TMTC2: variants seen among roughly 807,000 people sequenced by gnomAD.
The protein encoded by TMTC2 is transmembrane O-mannosyltransferase targeting cadherins 2.
Under a neutral mutation model 82.4 loss-of-function variants are expected in TMTC2, and 43 were observed. The ratio of observed to expected loss-of-function variants is 0.52; its 90% CI spans 0.41 to 0.67. The LOEUF is 0.67. Among genes scored for constraint, TMTC2 ranks in the 30% least tolerant of loss-of-function variants. The pLI is 0.00. For missense variants in TMTC2, 919 were observed against 1,012.4 expected, an observed-to-expected ratio of 0.91 and a Z score of 1.25; for synonymous variants, 408 against 381.9, an observed-to-expected ratio of 1.07 and a Z score of -0.80.
chr12:82,826,483 T>A (rs1869428739), intron 1 of TMTC2, among the ~76,000 whole-genome samples: 1 of 152,240 alleles, frequency 6.6e-6, no homozygotes, highest in African/African-American at 2.4e-5. Context: ...GAGTCCAAAG[T>A]ATAATTTTAA....
At chr12:82,781,457 A>G (rs1034134858) in intron 1 of TMTC2, among the ~76,000 whole-genome samples, 5 of 134,010 alleles carry the variant, frequency 3.7e-5, no homozygotes, top group African/African-American at 1.5e-4. Context: ...AGTTGGTTGT[A>G]CAGATTTCCT....
At chr12:83,077,537 T>G (rs570820470) in intron 11 of TMTC2, among the ~76,000 whole-genome samples, 1 of 152,154 alleles carries the variant, frequency 6.6e-6, no homozygotes, top group East Asian at 1.9e-4. Context: ...TGTTATGAAT[T>G]ATTACCTAAT....
At chr12:83,026,149 A>G (rs1465663832) in intron 8 of TMTC2, among the ~76,000 whole-genome samples, 2 of 152,134 alleles carry the variant, frequency 1.3e-5, no homozygotes, top group African/African-American at 2.4e-5. Context: ...ACCAGCCCCC[A>G]TCCAGGAGCC....
intron 1 of TMTC2, among the ~76,000 whole-genome samples, chr12:82,725,149 CA>C (rs1175282808): frequency 1.3e-5 from 2 of 150,860 alleles, no homozygotes; most frequent in East Asian, 2.0e-4. Context: ...AAAAAAAAAA[CA>C]AAAAAACTAT....
At chr12:82,973,115 C>T (rs1878518980) in intron 7 of TMTC2, among the ~76,000 whole-genome samples, 1 of 152,140 alleles carries the variant, frequency 6.6e-6, no homozygotes, top group Non-Finnish European at 1.5e-5. Flanking sequence ...GAAGCATTAA[C>T]ACTCCAGTAG....
intron 1 of TMTC2, among the ~76,000 whole-genome samples, chr12:82,848,304 T>G (rs1340871731): frequency 6.6e-6 from 1 of 152,182 alleles, no homozygotes; most frequent in Admixed American, 6.5e-5. Context: ...GGCCTGGAAG[T>G]ATCGCCACAG....
At chr12:82,800,924 G>A (rs1015650133) in intron 1 of TMTC2, among the ~76,000 whole-genome samples, 17 of 152,222 alleles carry the variant, frequency 1.1e-4, no homozygotes, top group Admixed American at 1.1e-3. Flanking sequence ...AACATACATT[G>A]GCATGCTTAG....
intron 11 of TMTC2, among the ~76,000 whole-genome samples, chr12:83,113,882 G>A (rs945695590): frequency 2.0e-5 from 3 of 152,156 alleles, no homozygotes; most frequent in Non-Finnish European, 4.4e-5. Context: ...CTAACTCAGA[G>A]CATTCGAAAT....
At chr12:82,791,122 A>T (rs1354233597) in intron 1 of TMTC2, among the ~76,000 whole-genome samples, 3 of 151,902 alleles carry the variant, frequency 2.0e-5, no homozygotes, top group Non-Finnish European at 4.4e-5. Context: ...TTTCTACATG[A>T]CTTCTCCTCT....
At chr12:82,692,922 G>A (rs1275651474) in intron 1 of TMTC2, among the ~76,000 whole-genome samples, 1 of 152,190 alleles carries the variant, frequency 6.6e-6, no homozygotes, top group African/African-American at 2.4e-5. Context: ...ATTACATACA[G>A]TGCTAAATGT....
At chr12:82,813,667 A>C (rs1230847757) in intron 1 of TMTC2, among the ~76,000 whole-genome samples, 1 of 152,020 alleles carries the variant, frequency 6.6e-6, no homozygotes, top group Non-Finnish European at 1.5e-5. Flanking sequence ...GGCATGGGAA[A>C]TTTCTTGCCT....
intron 8 of TMTC2, among the ~76,000 whole-genome samples, chr12:82,995,938 T>G (rs1287159741): frequency 6.6e-6 from 1 of 152,202 alleles, no homozygotes; most frequent in African/African-American, 2.4e-5. Context: ...ACACCAGCCC[T>G]TTAAAATTGC....
chr12:83,032,614 G>A (rs1440714724), intron 9 of TMTC2, among the ~76,000 whole-genome samples: 2 of 151,896 alleles, frequency 1.3e-5, no homozygotes, highest in African/African-American at 2.4e-5. Flanking sequence ...GCACGATCTC[G>A]GCTCACTGCA....
At chr12:82,907,473 CAA>C (rs554890834) in intron 3 of TMTC2, among the ~76,000 whole-genome samples, 4 of 131,722 alleles carry the variant, frequency 3.0e-5, no homozygotes, top group Admixed American at 7.7e-5. Context: ...AACTCCATCT[CAA>C]AAAAAAAAAA....
intron 9 of TMTC2, among the ~76,000 whole-genome samples, chr12:83,031,613 G>GT (rs962299962): frequency 6.6e-6 from 1 of 152,168 alleles, no homozygotes; most frequent in East Asian, 1.9e-4. Flanking sequence ...GGAAAATGTG[G>GT]TTTTTTGATC....
chr12:83,120,899 T>C (rs1884926528), intron 11 of TMTC2, among the ~76,000 whole-genome samples: 1 of 152,218 alleles, frequency 6.6e-6, no homozygotes, highest in Non-Finnish European at 1.5e-5. Context: ...TTTGAAGACC[T>C]TGTCTTCGAG....
At chr12:82,816,968 G>GTT (rs752958581) in intron 1 of TMTC2, among the ~76,000 whole-genome samples, 45 of 135,232 alleles carry the variant, frequency 3.3e-4, no homozygotes, top group Admixed American at 5.2e-4. Context: ...TTCTTTCTTT[G>GTT]TTTTTTTTTT....
intron 1 of TMTC2, among the ~76,000 whole-genome samples, chr12:82,853,680 G>C (rs568648035): frequency 6.6e-6 from 1 of 152,164 alleles, no homozygotes; most frequent in Non-Finnish European, 1.5e-5. Context: ...TTTGGGATCT[G>C]CCACAGAAAG....
At chr12:83,118,723 G>C (rs148885455) in intron 11 of TMTC2, among the ~76,000 whole-genome samples, 7 of 152,136 alleles carry the variant, frequency 4.6e-5, no homozygotes, top group African/African-American at 1.7e-4. Flanking sequence ...TCTCTATCTA[G>C]TGTCAATAGG....
Sources: allele counts gnomAD v4.1 joint callset (sites outside exome capture counted in the v4.1 genomes callset), GRCh38; gene constraint gnomAD v4.1.1; transcripts MANE v1.5; gene names NCBI Gene and HGNC (gene_info 2026-07-23, HGNC 2026-07-21).